ADAMTS16: variants seen among roughly 807,000 people sequenced by gnomAD.
ADAMTS16 encodes the protein A disintegrin and metalloproteinase with thrombospondin motifs 16.
In ADAMTS16, 94 loss-of-function variants were observed where a neutral mutation model predicts 145.8. The ratio of observed to expected loss-of-function variants is 0.64; its 90% CI spans 0.55 to 0.77. ADAMTS16 has a LOEUF of 0.77. ADAMTS16 is among the 30% of genes least tolerant of loss of function. The probability of loss-of-function intolerance (pLI) is 0.00; values close to 1 mark genes in which losing one functional copy is unlikely to be tolerated. For synonymous variants in ADAMTS16, 659 were observed against 604.3 expected (o/e 1.09, Z -1.33); for missense variants, 1,585 against 1,591.5 (o/e 1.00, Z 0.07).
intron 11 of ADAMTS16, among the ~76,000 whole-genome samples, chr5:5,228,945 C>T (rs1736842708): frequency 6.6e-6 from 1 of 152,224 alleles, no homozygotes; most frequent in African/African-American, 2.4e-5. Flanking sequence ...TTACCTTTGT[C>T]AGCATTCCAC....
At position 5,210,342 on chromosome 5, in the gene ADAMTS16, G is replaced by A. The variant is rs565587765; in HGVS notation, c.1605+1096G>A. Among the ~76,000 whole-genome samples, 8 of 152,136 alleles carry A rather than the reference G, an allele frequency of 5.3e-5. No homozygotes were observed. In the South Asian group the frequency reaches 6.2e-4, roughly 12 times the overall value. On this transcript the variant is annotated intron_variant, in intron 10 of 22. Transcript: ENST00000274181. ...CGGACTGTGTCATTCATGGTGCCCTGTTGTCATTTGGAAAACATAGGCAAT... is the reference window on the plus strand; with the variant it reads ...CGGACTGTGTCATTCATGGTGCCCTATTGTCATTTGGAAAACATAGGCAAT...
At chr5:5,271,838 C>T (rs1366732114) in intron 18 of ADAMTS16, among the ~76,000 whole-genome samples, 4 of 152,112 alleles carry the variant, frequency 2.6e-5, no homozygotes, top group African/African-American at 7.2e-5. Context: ...TCTGTAGCCC[C>T]GTCTCCACTT....
At chr5:5,228,202 A>G (rs958240858) in intron 11 of ADAMTS16, among the ~76,000 whole-genome samples, 3 of 152,248 alleles carry the variant, frequency 2.0e-5, no homozygotes, top group Non-Finnish European at 2.9e-5. Flanking sequence ...GAATCCTAAC[A>G]GAAGAATTAT....
chr5:5,276,632 C>T (rs1182371674), intron 18 of ADAMTS16, among the ~76,000 whole-genome samples: 1 of 152,188 alleles, frequency 6.6e-6, no homozygotes, highest in Non-Finnish European at 1.5e-5. Context: ...CGCTACGCAG[C>T]AGACACACTA....
chr5:5,142,855 G>T (rs1734201311), intron 2 of ADAMTS16, among the ~76,000 whole-genome samples: 1 of 152,056 alleles, frequency 6.6e-6, no homozygotes, highest in African/African-American at 2.4e-5. Flanking sequence ...TACCAAAACA[G>T]ATATATAGAT....
At chr5:5,287,080 A>T (rs899150514) in intron 18 of ADAMTS16, among the ~76,000 whole-genome samples, 10 of 152,104 alleles carry the variant, frequency 6.6e-5, no homozygotes, top group Non-Finnish European at 1.2e-4. Flanking sequence ...TGTTCTACCT[A>T]CTCAATATAT....
rs55875918 is a variant in ADAMTS16, at chr5:5,227,505, CTGTGTGTGTGTGTGTG to C, written c.1701+4649_1701+4664del. On this transcript the variant is annotated intron_variant, in intron 11 of 22. Transcript: ENST00000274181. ...TGTGTGCCTAAAATTAGATCTAATA[CTGTGTGTGTGTGTGTG>C]TGTGTGTGTGTGTGTGTGTGTGTGT... Among the ~76,000 whole-genome samples the C allele has an allele frequency of 2.5e-3, 377 of 148,326 alleles. 1 individual carries two copies. The highest frequency in any genetic ancestry group is 2.8e-3 in the Non-Finnish European group (185 of 67,054).
In ADAMTS16 at chr5:5,242,176, G is replaced by C. The variant is rs777995259; in HGVS notation, c.2647G>C (p.Val883Leu). 3 of 1,613,922 alleles carry C rather than the reference G, an allele frequency of 1.9e-6. No homozygotes were observed. Among genetic ancestry groups the C allele is most frequent in the Non-Finnish European group, 8.5e-7 (1 of 1,180,004 alleles). The change falls in exon 17 of 23, where the codon GTG (valine) becomes CTG (leucine). Residue 883 changes from valine (V) to leucine (L), a missense_variant. Physicochemically the swap from Val to Leu is conservative, Grantham distance 32. This residue lies in a region of ADAMTS16 where 834 missense variants were observed against 811.7 expected (regional missense o/e 1.03). Transcript: ENST00000274181. ...GGCCATCGTGCGCTCTGAGTGCTCCGTGTCCTGCGGAGGGGGTAGGTGCCT... is the reference window on the plus strand; with the variant it reads ...GGCCATCGTGCGCTCTGAGTGCTCCCTGTCCTGCGGAGGGGGTAGGTGCCT... Reference protein sequence around the residue: ...TWAIVRSECSVSCGGGQMTVR... With the variant: ...TWAIVRSECSLSCGGGQMTVR...
At chr5:5,164,012 C>T (rs1022795274) in intron 3 of ADAMTS16, among the ~76,000 whole-genome samples, 1 of 152,158 alleles carries the variant, frequency 6.6e-6, no homozygotes, top group Non-Finnish European at 1.5e-5. Context: ...CTTTATCACA[C>T]CCCACCCACA....
chr5:5,185,677 A>C (rs193155299), intron 4 of ADAMTS16, among the ~76,000 whole-genome samples: 6 of 152,282 alleles, frequency 3.9e-5, no homozygotes, highest in African/African-American at 1.4e-4. Flanking sequence ...GTGTTCTTGT[A>C]ATTGTTTGTT....
At chr5:5,193,140 T>G (rs1735708502) in intron 8 of ADAMTS16, among the ~76,000 whole-genome samples, 1 of 137,840 alleles carries the variant, frequency 7.3e-6, no homozygotes. Flanking sequence ...TTCAAAGCAG[T>G]GTGTGTGTGT....
intron 3 of ADAMTS16, among the ~76,000 whole-genome samples, chr5:5,169,251 T>C (rs1344443460): frequency 1.3e-5 from 2 of 152,178 alleles, no homozygotes; most frequent in Non-Finnish European, 2.9e-5. Context: ...TCTGGCAACA[T>C]TTCTTGTTTC....
rs1239910222 is a variant in ADAMTS16 at position 5,319,404 on chromosome 5, A to G, written c.*266A>G. The G allele has an allele frequency of 2.1e-6, 1 of 483,136 alleles. No individual in the cohort carries two copies. The highest frequency in any genetic ancestry group is 1.9e-5 in the African/African-American group (1 of 51,358). 29.9% of individuals were successfully genotyped at this position (483,136 alleles called of 1,614,324 possible). A position where few individuals can be genotyped will look rare whatever the true frequency, so the allele number is the denominator to read the frequency against. ...AGCTGTGGCTCGTGAGGCAGAAGGC[A>G]GGCACCACAACGGGAGAGGCAGCAC... On this transcript the variant is annotated 3_prime_UTR_variant, in exon 23 of 23. Transcript: ENST00000274181.
At chr5:5,167,312 G>C (rs1402043983) in intron 3 of ADAMTS16, among the ~76,000 whole-genome samples, 1 of 152,136 alleles carries the variant, frequency 6.6e-6, no homozygotes, top group Non-Finnish European at 1.5e-5. Context: ...TACACTCCCT[G>C]GATAAGAGAG....
At chr5:5,152,821 G>T (rs1228630574) in intron 3 of ADAMTS16, among the ~76,000 whole-genome samples, 1 of 152,262 alleles carries the variant, frequency 6.6e-6, no homozygotes, top group African/African-American at 2.4e-5. Flanking sequence ...GCCTGTGTGT[G>T]TGCATGCATG....
chr5:5,221,298 C>T (rs1736598946), intron 10 of ADAMTS16, among the ~76,000 whole-genome samples: 1 of 152,022 alleles, frequency 6.6e-6, no homozygotes, highest in Non-Finnish European at 1.5e-5. Context: ...ACAGAGGCCC[C>T]TGACACCATA....
chr5:5,268,675 C>A (rs1299306504), intron 18 of ADAMTS16, among the ~76,000 whole-genome samples: 1 of 152,186 alleles, frequency 6.6e-6, no homozygotes, highest in East Asian at 1.9e-4. Flanking sequence ...GCACAGGGAT[C>A]CCGACTGGAC....
chr5:5,155,545 G>A (rs1734579195), intron 3 of ADAMTS16, among the ~76,000 whole-genome samples: 2 of 152,182 alleles, frequency 1.3e-5, no homozygotes, highest in Admixed American at 6.5e-5. Context: ...AAGAAACTAA[G>A]GGGAGAGTTT....
chr5:5,296,718 G>A (rs558240731), intron 18 of ADAMTS16, among the ~76,000 whole-genome samples: 9 of 152,256 alleles, frequency 5.9e-5, no homozygotes, highest in Admixed American at 2.0e-4. Context: ...AGAGCCCCAC[G>A]GCAGCTGCCC....
Sources: allele counts gnomAD v4.1 joint callset (sites outside exome capture counted in the v4.1 genomes callset), GRCh38; gene constraint gnomAD v4.1.1; regional missense constraint gnomAD v4.1.1; transcripts MANE v1.5; gene names NCBI Gene and HGNC (gene_info 2026-07-23, HGNC 2026-07-21).